Variants in ATL2 observed in about 807,000 individuals in gnomAD.
ATL2 encodes the protein atlastin GTPase 2.
Under a neutral mutation model 73.9 loss-of-function variants are expected in ATL2, and 31 were observed. The observed-to-expected ratio is 0.42, with a 90% CI of 0.32 to 0.57. The LOEUF (loss-of-function observed/expected upper bound fraction) is 0.57. ATL2 is among the 20% of genes least tolerant of loss of function. The pLI is 0.14. For synonymous variants in ATL2, 291 were observed against 237.5 expected, an observed-to-expected ratio of 1.23 and a Z score of -2.07; for missense variants, 738 against 702.6, an observed-to-expected ratio of 1.05 and a Z score of -0.57.
chr2:38,367,161 T>G (rs530442724), intron 1 of ATL2, among the ~76,000 whole-genome samples: 104 of 152,188 alleles, frequency 6.8e-4, no homozygotes, highest in African/African-American at 2.4e-3. Flanking sequence ...AGGTAGGTTT[T>G]TTTTTAGGTT....
chr2:38,334,028 C>CT (rs34303299), intron 2 of ATL2, among the ~76,000 whole-genome samples: 10,610 of 121,524 alleles, frequency 0.087, 811 homozygotes, highest in African/African-American at 0.14. Context: ...ATCCAATCCT[C>CT]TTTTTTTTTT....
chr2:38,369,611 C>T (rs1671548905), intron 1 of ATL2, among the ~76,000 whole-genome samples: 1 of 151,290 alleles, frequency 6.6e-6, no homozygotes, highest in Non-Finnish European at 1.5e-5. Context: ...ATTAGCCAGG[C>T]ATGGTGGCAC....
chr2:38,309,286 T>C, intron 9 of ATL2, 93 bp downstream of exon 9: 1 of 1,258,400 alleles, frequency 7.9e-7, no homozygotes, highest in Non-Finnish European at 1.1e-6. Context: ...TTTTTTGTTT[T>C]AAAATAAAGA....
chr2:38,370,292 T>G (rs1308005791), intron 1 of ATL2, among the ~76,000 whole-genome samples: 2 of 121,068 alleles, frequency 1.7e-5, no homozygotes, highest in Non-Finnish European at 3.5e-5. Context: ...CTACTAAAAA[T>G]ACAAAAATTA....
chr2:38,352,730 C>T (rs1343327768), intron 1 of ATL2, among the ~76,000 whole-genome samples: 2 of 152,170 alleles, frequency 1.3e-5, no homozygotes, highest in Non-Finnish European at 2.9e-5. Flanking sequence ...ATACCTTAGG[C>T]ATCAAGCTGA....
intron 1 of ATL2, among the ~76,000 whole-genome samples, chr2:38,367,014 T>G (rs1005496228): frequency 3.0e-4 from 45 of 152,008 alleles, no homozygotes; most frequent in African/African-American, 1.0e-3. Context: ...CTATTATTAT[T>G]TTTTTTAGCA....
chr2:38,300,651 T>TA (rs1450595474), intron 9 of ATL2, among the ~76,000 whole-genome samples: 4 of 152,088 alleles, frequency 2.6e-5, no homozygotes, highest in Non-Finnish European at 5.9e-5. Flanking sequence ...TTAAAAAACT[T>TA]TTTTTTCTCT....
At chr2:38,330,414 G>A (rs1052873019) in intron 2 of ATL2, among the ~76,000 whole-genome samples, 1 of 152,026 alleles carries the variant, frequency 6.6e-6, no homozygotes, top group Non-Finnish European at 1.5e-5. Flanking sequence ...GGGACCATCA[G>A]CCAAGACACA....
chr2:38,339,458 A>G (rs767185910), intron 2 of ATL2, among the ~76,000 whole-genome samples: 6 of 152,220 alleles, frequency 3.9e-5, no homozygotes, highest in Non-Finnish European at 7.3e-5. Flanking sequence ...TGATAACATT[A>G]GAAGAAACTA....
rs79329134 is a variant in ATL2, at chr2:38,309,372, C to T, written c.1071+7G>A. ...TCTTAGACAAAACTGTTTAAGAGCT[C>T]ACCTACCTTAAAATATTCTACAAGA... On this transcript the variant is annotated splice_region_variant and intron_variant, in intron 9 of 12. Coordinates refer to ENST00000378954, the MANE Select transcript of ATL2 (RefSeq NM_001135673.4). 4,944 of 1,600,260 alleles carry T rather than the reference C, an allele frequency of 3.1e-3. 128 individuals are homozygous for T. The African/African-American group carries it at 0.059, about 19-fold the overall frequency.
chr2:38,359,949 G>A (rs1670908655), intron 1 of ATL2, among the ~76,000 whole-genome samples: 1 of 151,884 alleles, frequency 6.6e-6, no homozygotes, highest in Non-Finnish European at 1.5e-5. Flanking sequence ...CCAATATGGT[G>A]AAACCCCGTC....
chr2:38,321,914 C>T (rs1236213530), intron 2 of ATL2, among the ~76,000 whole-genome samples: 14 of 151,942 alleles, frequency 9.2e-5, no homozygotes, highest in Admixed American at 4.6e-4. Context: ...GGTTTCGCCA[C>T]GTTGCCCAGG....
chr2:38,348,229 G>A (rs966110793), intron 1 of ATL2, among the ~76,000 whole-genome samples: 1 of 152,096 alleles, frequency 6.6e-6, no homozygotes, highest in Non-Finnish European at 1.5e-5. Context: ...CAATTTGGGA[G>A]GCTGAGGAGG....
intron 1 of ATL2, among the ~76,000 whole-genome samples, chr2:38,369,118 G>C (rs1469608135): frequency 2.0e-5 from 3 of 152,118 alleles, no homozygotes; most frequent in Non-Finnish European, 4.4e-5. Flanking sequence ...GAATAAATGG[G>C]TAAAACCTTT....
At chr2:38,376,218 CCA>C (rs1440923251) in intron 1 of ATL2, 12 of 1,492,860 alleles carry the variant, frequency 8.0e-6, no homozygotes, top group Non-Finnish European at 1.1e-5. Context: ...TCAATTCGCA[CCA>C]CAGTGAGAGA....
intron 2 of ATL2, among the ~76,000 whole-genome samples, chr2:38,335,181 T>G (rs1669281310): frequency 1.3e-5 from 2 of 151,776 alleles, no homozygotes; most frequent in South Asian, 2.1e-4. Context: ...GGAAAAAAAT[T>G]TTGGCAATCC....
intron 1 of ATL2, among the ~76,000 whole-genome samples, chr2:38,350,084 T>C (rs1179312733): frequency 2.3e-4 from 35 of 152,220 alleles, no homozygotes; most frequent in Admixed American, 6.5e-5. Context: ...CATTTAGTGA[T>C]TGCCTACAAT....
intron 11 of ATL2, among the ~76,000 whole-genome samples, chr2:38,298,936 AG>A (rs1667046428): frequency 6.6e-6 from 1 of 152,214 alleles, no homozygotes; most frequent in Non-Finnish European, 1.5e-5. Context: ...TGAGCAAGCA[AG>A]TACAGAAACT....
chr2:38,329,935 G>C (rs1334015344), intron 2 of ATL2, among the ~76,000 whole-genome samples: 29 of 151,916 alleles, frequency 1.9e-4, no homozygotes, highest in African/African-American at 6.8e-4. Context: ...TCAAGACCAG[G>C]CTGGCCAACA....
Sources: allele counts gnomAD v4.1 joint callset (sites outside exome capture counted in the v4.1 genomes callset), GRCh38; gene constraint gnomAD v4.1.1; transcripts MANE v1.5; gene names NCBI Gene and HGNC (gene_info 2026-07-23, HGNC 2026-07-21).